SREK1IP1: variants seen among roughly 807,000 people sequenced by gnomAD.
SREK1IP1 encodes SREK1 interacting protein 1.
Under a neutral mutation model 22.8 loss-of-function variants are expected in SREK1IP1, and 12 were observed. The ratio of observed to expected loss-of-function variants is 0.53; its 90% CI spans 0.34 to 0.85. The LOEUF is 0.85. Among genes scored for constraint, SREK1IP1 ranks in the 40% least tolerant of loss-of-function variants. The pLI, the probability that SREK1IP1 is intolerant of heterozygous loss-of-function variation, is 0.02. For missense variants in SREK1IP1, 147 were observed against 171.8 expected, an observed-to-expected ratio of 0.86 and a Z score of 0.81; for synonymous variants, 53 against 52.7, an observed-to-expected ratio of 1.01 and a Z score of -0.02.
At chr5:64,757,548 T>C (rs1742864084) in intron 1 of SREK1IP1, among the ~76,000 whole-genome samples, 1 of 152,172 alleles carries the variant, frequency 6.6e-6, no homozygotes, top group Non-Finnish European at 1.5e-5. Flanking sequence ...GAACATTGCA[T>C]CCAGCTGATC....
intron 1 of SREK1IP1, among the ~76,000 whole-genome samples, chr5:64,767,327 T>C (rs1018613289): frequency 2.6e-5 from 4 of 152,242 alleles, no homozygotes; most frequent in South Asian, 2.1e-4. Context: ...TGTCCCACTT[T>C]CTGTAAATTT....
intron 2 of SREK1IP1, among the ~76,000 whole-genome samples, chr5:64,742,926 AACAAATGAAT>A (rs1379695193): frequency 9.9e-5 from 15 of 152,190 alleles, no homozygotes; most frequent in Admixed American, 7.2e-4. Flanking sequence ...GTGATTTCCT[AACAAATGAAT>A]CATTCAGAAG....
At chr5:64,733,092 A>G (rs1470801146) in intron 3 of SREK1IP1, among the ~76,000 whole-genome samples, 3 of 149,388 alleles carry the variant, frequency 2.0e-5, no homozygotes, top group Non-Finnish European at 4.5e-5. Context: ...AAACTTTTAG[A>G]AAAAAAAAAG....
In SREK1IP1 at chr5:64,723,044, C is replaced by A. The variant is rs1178418876; in HGVS notation, c.*1340G>T. ...AGTGAGGTATTTGCAATCTTTGGTG[C>A]TGTGCCATGACATTGGTTGATGTTC... On this transcript the variant is annotated 3_prime_UTR_variant, in exon 5 of 5. Coordinates refer to ENST00000513458, the MANE Select transcript of SREK1IP1 (RefSeq NM_173829.4). 1 of 152,166 alleles carries A rather than the reference C, an allele frequency of 6.6e-6. No individual in the cohort carries two copies. Among genetic ancestry groups the A allele is most frequent in the East Asian group, 1.9e-4 (1 of 5,192 alleles). 9.4% of individuals were successfully genotyped at this position (152,166 alleles called of 1,614,324 possible).
Position 64,768,538 on chromosome 5 carries a change from C to CTCGAGCCTCTGGCTTTCGAAAAGG in SREK1IP1, c.-45_-22dup, listed in dbSNP as rs1561395402. 1.9e-6 allele frequency: 3 copies of CTCGAGCCTCTGGCTTTCGAAAAGG among 1,614,158 alleles called. No individual in the cohort carries two copies. Among genetic ancestry groups the CTCGAGCCTCTGGCTTTCGAAAAGG allele is most frequent in the Non-Finnish European group, 2.5e-6 (3 of 1,180,012 alleles). Reference sequence around the variant, plus strand: ...GCCATGACGGTGGTAAGAGGGGTAACTCGAGCCTCTGGCTTTCGAAAAGGC... The same window carrying CTCGAGCCTCTGGCTTTCGAAAAGG: ...GCCATGACGGTGGTAAGAGGGGTAACTCGAGCCTCTGGCTTTCGAAAAGGTCGAGCCTCTGGCTTTCGAAAAGGC... On this transcript the variant is annotated 5_prime_UTR_variant, in exon 1 of 5. Transcript: ENST00000513458.
chr5:64,749,225 C>T (rs1297562715), intron 2 of SREK1IP1, among the ~76,000 whole-genome samples: 3 of 151,858 alleles, frequency 2.0e-5, no homozygotes, highest in Non-Finnish European at 4.4e-5. Context: ...TACTTCTGGG[C>T]TTACAGAATA....
chr5:64,750,851 A>G (rs1742728266), intron 2 of SREK1IP1, among the ~76,000 whole-genome samples: 1 of 152,134 alleles, frequency 6.6e-6, no homozygotes, highest in South Asian at 2.1e-4. Context: ...CAGTATTTGT[A>G]ATATGTCCTC....
At chr5:64,736,374 T>C (rs534462994) in intron 3 of SREK1IP1, among the ~76,000 whole-genome samples, 2 of 152,294 alleles carry the variant, frequency 1.3e-5, no homozygotes, top group South Asian at 4.1e-4. Flanking sequence ...CTGGCTATAA[T>C]TGCAAATTTG....
chr5:64,767,627 G>A (rs1743066473), intron 1 of SREK1IP1, among the ~76,000 whole-genome samples: 1 of 152,100 alleles, frequency 6.6e-6, no homozygotes, highest in Admixed American at 6.5e-5. Flanking sequence ...ACAAAGTTAG[G>A]GTTCTGAACC....
intron 1 of SREK1IP1, chr5:64,754,599 G>A: frequency 2.3e-6 from 1 of 425,936 alleles, no homozygotes; most frequent in Non-Finnish European, 4.3e-6. Context: ...AAGCAGCTGA[G>A]ACTACAGGCA....
Position 64,726,322 on chromosome 5 carries a change from T to C in SREK1IP1, c.279-1749A>G, listed in dbSNP as rs1414332880. Among the ~76,000 whole-genome samples the C allele has an allele frequency of 3.4e-5, 5 of 148,622 alleles. No individual in the cohort carries two copies. The East Asian group carries it at 5.8e-4, about 17-fold the overall frequency. On this transcript the variant is annotated intron_variant, in intron 4 of 4. Transcript: ENST00000513458. ...GGCCCAAATAAATAATCTGTTACTA[T>C]AAAAAATATTTGGGAGGCTGAGGCA...
At chr5:64,763,775 A>G (rs1742991382) in intron 1 of SREK1IP1, among the ~76,000 whole-genome samples, 1 of 152,216 alleles carries the variant, frequency 6.6e-6, no homozygotes, top group Non-Finnish European at 1.5e-5. Context: ...TCAAGCCCCT[A>G]CAGGGATATC....
chr5:64,733,877 T>A (rs571720467), intron 3 of SREK1IP1, among the ~76,000 whole-genome samples: 1 of 152,134 alleles, frequency 6.6e-6, no homozygotes, highest in Non-Finnish European at 1.5e-5. Context: ...AAGGGTTACA[T>A]ACTGTAAGAT....
At chr5:64,755,763 C>G (rs1363729336) in intron 1 of SREK1IP1, among the ~76,000 whole-genome samples, 1 of 151,404 alleles carries the variant, frequency 6.6e-6, no homozygotes, top group Non-Finnish European at 1.5e-5. Flanking sequence ...TTAAATATTC[C>G]AAGAATTCTA....
intron 4 of SREK1IP1, chr5:64,727,551 A>ATTTTTTTT (rs1298889800): frequency 2.2e-4 from 22 of 98,556 alleles, no homozygotes; most frequent in African/African-American, 1.2e-3. Flanking sequence ...ATATATATAT[A>ATTTTTTTT]TATTTTTTTT....
At chr5:64,751,261 G>A (rs886667490) in intron 2 of SREK1IP1, among the ~76,000 whole-genome samples, 56 of 151,892 alleles carry the variant, frequency 3.7e-4, no homozygotes, top group African/African-American at 7.3e-5. Context: ...CTTTTCCCTC[G>A]GTTTATGCCT....
At chr5:64,744,170 A>AG (rs939547351) in intron 2 of SREK1IP1, among the ~76,000 whole-genome samples, 1 of 152,094 alleles carries the variant, frequency 6.6e-6, no homozygotes, top group Non-Finnish European at 1.5e-5. Context: ...CAACTCCAGT[A>AG]AACACACTGT....
At position 64,741,042 on chromosome 5, in the gene SREK1IP1, A is replaced by G; in HGVS notation, c.205+15T>C. The G allele has an allele frequency of 1.2e-6, 2 of 1,606,114 alleles. No homozygotes were observed. Among genetic ancestry groups the G allele is most frequent in the Non-Finnish European group, 1.7e-6 (2 of 1,176,192 alleles). ...TTACAAACATTTCTAAAGAATGGAA[A>G]AAAATATTGCTTACTTTTTTCCTGT... On this transcript the variant is annotated intron_variant, in intron 3 of 4. Transcript: ENST00000513458.
At chr5:64,763,345 T>C (rs975129411) in intron 1 of SREK1IP1, among the ~76,000 whole-genome samples, 4 of 152,118 alleles carry the variant, frequency 2.6e-5, no homozygotes, top group Non-Finnish European at 4.4e-5. Context: ...TAGACCATCC[T>C]GGCTAACATG....
Sources: gnomAD v4.1 joint callset for allele counts (sites outside exome capture counted in the v4.1 genomes callset) on GRCh38, gnomAD v4.1.1 for gene constraint, MANE v1.5 for transcripts, NCBI Gene and HGNC (gene_info 2026-07-23, HGNC 2026-07-21) for gene names.